GNAQ: variants seen among roughly 807,000 people sequenced by gnomAD.
The protein encoded by GNAQ is G protein subunit alpha q.
A neutral mutation model predicts 43.9 loss-of-function variants in GNAQ; 8 were observed. That is an observed-to-expected ratio of 0.18 (90% CI 0.11 to 0.33). The LOEUF (loss-of-function observed/expected upper bound fraction) is 0.33. GNAQ is among the 10% of genes least tolerant of loss of function. The pLI is 1.00. For synonymous variants in GNAQ, 155 were observed against 170.7 expected (o/e 0.91, Z 0.71); for missense variants, 158 against 450.8 (o/e 0.35, Z 5.88).
intron 5 of GNAQ, among the ~76,000 whole-genome samples, chr9:77,765,874 C>T (rs1045795560): frequency 6.6e-6 from 1 of 152,124 alleles, no homozygotes; most frequent in African/African-American, 2.4e-5. Context: ...ATGTGGTTTA[C>T]ACATACAATG....
At chr9:77,997,532 A>C (rs1217695128) in intron 1 of GNAQ, among the ~76,000 whole-genome samples, 1 of 152,178 alleles carries the variant, frequency 6.6e-6, no homozygotes, top group Non-Finnish European at 1.5e-5. Flanking sequence ...GTACAGGTGC[A>C]AGTAAAGTCA....
chr9:77,801,985 G>A (rs538757758), intron 3 of GNAQ, among the ~76,000 whole-genome samples: 2 of 152,148 alleles, frequency 1.3e-5, no homozygotes, highest in East Asian at 3.9e-4. Context: ...TGGACAACAT[G>A]GTGAAACCCC....
chr9:77,751,474 A>G (rs1039080430), intron 5 of GNAQ, among the ~76,000 whole-genome samples: 1 of 152,200 alleles, frequency 6.6e-6, no homozygotes, highest in African/African-American at 2.4e-5. Context: ...TTCATATGCA[A>G]TCTCTTAAGA....
At chr9:77,869,270 A>C (rs940439946) in intron 2 of GNAQ, among the ~76,000 whole-genome samples, 6 of 152,216 alleles carry the variant, frequency 3.9e-5, no homozygotes, top group African/African-American at 7.2e-5. Flanking sequence ...TGAAATAAAA[A>C]GATTATGTTT....
chr9:77,857,147 A>C (rs1215218463), intron 2 of GNAQ, among the ~76,000 whole-genome samples: 1 of 152,238 alleles, frequency 6.6e-6, no homozygotes, highest in African/African-American at 2.4e-5. Context: ...AAACCTGTCA[A>C]GGCTCAAGTG....
chr9:77,825,658 G>T (rs1827182388), intron 2 of GNAQ, among the ~76,000 whole-genome samples: 1 of 152,196 alleles, frequency 6.6e-6, no homozygotes, highest in African/African-American at 2.4e-5. Flanking sequence ...TGTAAAGTGA[G>T]AAGTCTGTTT....
chr9:77,726,428 A>G (rs749845340), intron 6 of GNAQ, among the ~76,000 whole-genome samples: 2 of 152,240 alleles, frequency 1.3e-5, no homozygotes, highest in African/African-American at 2.4e-5. Context: ...GGGAACTTCA[A>G]TTCATTTAAC....
intron 1 of GNAQ, among the ~76,000 whole-genome samples, chr9:77,999,518 A>C (rs1371891505): frequency 6.6e-6 from 1 of 152,216 alleles, no homozygotes; most frequent in African/African-American, 2.4e-5. Context: ...TAGTGGAAAG[A>C]TTACATAATG....
At chr9:77,786,246 C>T (rs1426708368) in intron 5 of GNAQ, among the ~76,000 whole-genome samples, 2 of 150,264 alleles carry the variant, frequency 1.3e-5, no homozygotes, top group Non-Finnish European at 3.0e-5. Flanking sequence ...GGCGTGGTGG[C>T]GGGTGCCTGT....
chr9:77,952,325 C>A (rs1822991710), intron 1 of GNAQ, among the ~76,000 whole-genome samples: 1 of 152,036 alleles, frequency 6.6e-6, no homozygotes, highest in Admixed American at 6.6e-5. Flanking sequence ...TTTAATTTTA[C>A]CTTCAAAATT....
chr9:77,865,469 T>C (rs900563813), intron 2 of GNAQ, among the ~76,000 whole-genome samples: 2 of 152,210 alleles, frequency 1.3e-5, no homozygotes, highest in Non-Finnish European at 2.9e-5. Context: ...ATAAATGTTA[T>C]TTCAAAGCAA....
intron 1 of GNAQ, among the ~76,000 whole-genome samples, chr9:77,995,148 T>C (rs533555809): frequency 6.6e-6 from 1 of 152,330 alleles, no homozygotes; most frequent in South Asian, 2.1e-4. Flanking sequence ...ACTCTACATA[T>C]ATGAATGTAT....
chr9:77,828,655 A>C (rs1356778381), intron 2 of GNAQ, among the ~76,000 whole-genome samples: 1 of 152,228 alleles, frequency 6.6e-6, no homozygotes, highest in Non-Finnish European at 1.5e-5. Flanking sequence ...ATGTTAGATC[A>C]ATAAATATTT....
At chr9:77,754,466 TTC>T (rs1825867191) in intron 5 of GNAQ, among the ~76,000 whole-genome samples, 1 of 152,212 alleles carries the variant, frequency 6.6e-6, no homozygotes, top group African/African-American at 2.4e-5. Context: ...TAACAGCTGT[TTC>T]TTTTAATTAT....
chr9:78,024,050 T>C lies in GNAQ; in HGVS notation c.136+7050A>G, dbSNP rs181082948. 5.9e-5 allele frequency among the ~76,000 whole-genome samples: 9 copies of C among 152,018 alleles called. No individual in the cohort carries two copies. The South Asian group carries it at 1.7e-3, about 28-fold the overall frequency. ...CTATTTTATTTCTAAAGCAGACATA[T>C]TGTTCACAATCCATGATTAATCCTG... On this transcript the variant is annotated intron_variant, in intron 1 of 6. Coordinates refer to ENST00000286548, the MANE Select transcript of GNAQ (RefSeq NM_002072.5).
At chr9:77,738,486 A>G (rs1359086118) in intron 5 of GNAQ, among the ~76,000 whole-genome samples, 1 of 152,226 alleles carries the variant, frequency 6.6e-6, no homozygotes, top group African/African-American at 2.4e-5. Context: ...ACAGTAGGAA[A>G]AGAAAAAAGT....
At chr9:77,788,638 AGCAG>A (rs1443572478) in intron 5 of GNAQ, among the ~76,000 whole-genome samples, 1 of 152,220 alleles carries the variant, frequency 6.6e-6, no homozygotes, top group African/African-American at 2.4e-5. Context: ...GAAAATTGGA[AGCAG>A]GTAGGTCATT....
intron 2 of GNAQ, among the ~76,000 whole-genome samples, chr9:77,905,698 T>C (rs551764827): frequency 1.3e-5 from 2 of 152,284 alleles, no homozygotes; most frequent in East Asian, 3.9e-4. Flanking sequence ...TGCTTTCATA[T>C]TCAGGAAAAT....
At chr9:77,767,365 G>C (rs1483415220) in intron 5 of GNAQ, among the ~76,000 whole-genome samples, 1 of 152,058 alleles carries the variant, frequency 6.6e-6, no homozygotes, top group Non-Finnish European at 1.5e-5. Flanking sequence ...ACATTGAGGG[G>C]CAGGATGGGG....
Sources: allele counts gnomAD v4.1 joint callset (sites outside exome capture counted in the v4.1 genomes callset), GRCh38; gene constraint gnomAD v4.1.1; transcripts MANE v1.5; gene names NCBI Gene and HGNC (gene_info 2026-07-23, HGNC 2026-07-21).